TTC39C: variants seen among roughly 807,000 people sequenced by gnomAD.
The protein encoded by TTC39C is tetratricopeptide repeat domain 39C.
Under a neutral mutation model 76.3 loss-of-function variants are expected in TTC39C, and 33 were observed. The observed-to-expected ratio is 0.43, with a 90% CI of 0.33 to 0.58. The LOEUF (loss-of-function observed/expected upper bound fraction) is 0.58. TTC39C is among the 20% of genes least tolerant of loss of function. The pLI is 0.04. For synonymous variants in TTC39C, 254 were observed against 260.6 expected, an observed-to-expected ratio of 0.97 and a Z score of 0.24; for missense variants, 595 against 701.4, an observed-to-expected ratio of 0.85 and a Z score of 1.71.
At chr18:24,040,870 G>T (rs1438675095) in intron 1 of TTC39C, among the ~76,000 whole-genome samples, 1 of 151,900 alleles carries the variant, frequency 6.6e-6, no homozygotes, top group African/African-American at 2.4e-5. Context: ...GTGAAGTGGT[G>T]GTACTGTATT....
At chr18:24,074,188 A>G (rs1001404271) in intron 4 of TTC39C, among the ~76,000 whole-genome samples, 5 of 152,212 alleles carry the variant, frequency 3.3e-5, no homozygotes, top group Admixed American at 2.6e-4. Context: ...ATAGGGAACA[A>G]GTGTTTCTGA....
intron 1 of TTC39C, among the ~76,000 whole-genome samples, chr18:24,007,854 T>C (rs1256575207): frequency 1.3e-5 from 2 of 151,374 alleles, no homozygotes; most frequent in Non-Finnish European, 2.9e-5. Flanking sequence ...AATTTCAAGA[T>C]ACTGTTGACA....
At chr18:24,002,782 C>G (rs1457998322) in intron 1 of TTC39C, among the ~76,000 whole-genome samples, 1 of 152,050 alleles carries the variant, frequency 6.6e-6, no homozygotes, top group Non-Finnish European at 1.5e-5. Context: ...CTGCAGATGC[C>G]TGAGATCCAC....
chr18:23,999,869 G>T (rs112226535), intron 1 of TTC39C, among the ~76,000 whole-genome samples: 1 of 152,206 alleles, frequency 6.6e-6, no homozygotes, highest in South Asian at 2.1e-4. Flanking sequence ...ATGTTGTATC[G>T]GAGTATCAGT....
chr18:24,022,871 G>A lies in TTC39C; in HGVS notation c.167+7833G>A, dbSNP rs547352191. On this transcript the variant is annotated intron_variant, in intron 1 of 13. Transcript: ENST00000317571. ...AGGTATATCTTGCTCTTCCAGACACGGCTCAGATTTTTAGCAAAAGGTTGT... is the reference window on the plus strand; with the variant it reads ...AGGTATATCTTGCTCTTCCAGACACAGCTCAGATTTTTAGCAAAAGGTTGT... The A allele has an allele frequency of 1.3e-4, 129 of 985,388 alleles. No individual in the cohort carries two copies. The African/African-American group carries it at 2.1e-3, about 16-fold the overall frequency. The allele number at this position is 985,388 out of a possible 1,614,324, so 61.0% of individuals were successfully genotyped here. A position where few individuals can be genotyped will look rare whatever the true frequency, so the allele number is the denominator to read the frequency against.
At chr18:24,118,464 G>A (rs1396922754) in intron 8 of TTC39C, among the ~76,000 whole-genome samples, 3 of 152,096 alleles carry the variant, frequency 2.0e-5, no homozygotes, top group Non-Finnish European at 2.9e-5. Context: ...TTCACCACAC[G>A]CTTCCCCTCT....
At chr18:24,090,875 C>T (rs1424260565) in intron 6 of TTC39C, among the ~76,000 whole-genome samples, 1 of 130,980 alleles carries the variant, frequency 7.6e-6, no homozygotes, top group East Asian at 2.4e-4. Context: ...GGCATGATCT[C>T]AGCTCACTGC....
chr18:24,019,604 T>C (rs1306304144), intron 1 of TTC39C, among the ~76,000 whole-genome samples: 1 of 152,250 alleles, frequency 6.6e-6, no homozygotes, highest in Non-Finnish European at 1.5e-5. Context: ...TGTGGCCTCA[T>C]TTTGTGAGCA....
chr18:24,044,580 A>G (rs2083840042), intron 1 of TTC39C, among the ~76,000 whole-genome samples: 1 of 152,164 alleles, frequency 6.6e-6, no homozygotes, highest in Admixed American at 6.5e-5. Flanking sequence ...TGACAGGAAC[A>G]AGGAAAGGGA....
chr18:24,034,651 G>A (rs1289352149), intron 1 of TTC39C, among the ~76,000 whole-genome samples: 2 of 151,946 alleles, frequency 1.3e-5, no homozygotes, highest in African/African-American at 4.8e-5. Flanking sequence ...TTTCTCCCTA[G>A]CCCCAGCAAC....
chr18:24,003,056 C>T (rs1381988494), intron 1 of TTC39C, among the ~76,000 whole-genome samples: 1 of 152,186 alleles, frequency 6.6e-6, no homozygotes, highest in African/African-American at 2.4e-5. Flanking sequence ...CTAGAGGCTC[C>T]AGGTAAGGCA....
At chr18:24,125,677 TC>T in intron 10 of TTC39C, 127 bp downstream of exon 10, 2 of 1,270,424 alleles carry the variant, frequency 1.6e-6, no homozygotes, top group South Asian at 2.8e-5. Context: ...TACACATCTC[TC>T]CTTAGATAGA....
intron 1 of TTC39C, among the ~76,000 whole-genome samples, chr18:23,997,330 C>T (rs2083269626): frequency 1.3e-5 from 2 of 152,124 alleles, no homozygotes; most frequent in African/African-American, 2.4e-5. Flanking sequence ...GCAGGTGGGT[C>T]ACCTGAGGTC....
At chr18:24,046,174 G>A (rs954997723) in intron 1 of TTC39C, among the ~76,000 whole-genome samples, 6 of 151,622 alleles carry the variant, frequency 4.0e-5, no homozygotes, top group Admixed American at 6.6e-5. Flanking sequence ...TCCTGACCTC[G>A]TGATCCACCT....
chr18:24,086,141 C>T (rs913132726), intron 6 of TTC39C, among the ~76,000 whole-genome samples: 1 of 152,104 alleles, frequency 6.6e-6, no homozygotes, highest in African/African-American at 2.4e-5. Context: ...TTTCAGTGAA[C>T]ATTTAGGTTA....
At chr18:23,995,447 G>A (rs1010236135) in intron 1 of TTC39C, among the ~76,000 whole-genome samples, 2 of 152,018 alleles carry the variant, frequency 1.3e-5, no homozygotes, top group Non-Finnish European at 2.9e-5. Context: ...TTCAGCTTGG[G>A]CGACAGAGTG....
intron 1 of TTC39C, among the ~76,000 whole-genome samples, chr18:24,030,648 CTTTTTTTTTTT>C (rs1167104790): frequency 1.1e-5 from 1 of 89,042 alleles, no homozygotes; most frequent in African/African-American, 4.1e-5. Context: ...AAAGATAGGC[CTTTTTTTTTTT>C]TTTTTTTTTT....
chr18:24,079,125 T>A (rs1348277171), intron 4 of TTC39C, among the ~76,000 whole-genome samples: 1 of 152,208 alleles, frequency 6.6e-6, no homozygotes, highest in Non-Finnish European at 1.5e-5. Context: ...TGTCCATTTG[T>A]ACATGAGGGT....
intron 10 of TTC39C, among the ~76,000 whole-genome samples, chr18:24,125,945 T>C (rs562296658): frequency 6.6e-6 from 1 of 152,320 alleles, no homozygotes; most frequent in South Asian, 2.1e-4. Flanking sequence ...CCCAGCACTT[T>C]GAAAGGCTGA....
Sources: gnomAD v4.1 joint callset for allele counts (sites outside exome capture counted in the v4.1 genomes callset) on GRCh38, gnomAD v4.1.1 for gene constraint, MANE v1.5 for transcripts, NCBI Gene and HGNC (gene_info 2026-07-23, HGNC 2026-07-21) for gene names.